The following NALCN variants were observed in gnomAD, a reference collection of about 807,000 sequenced individuals.
NALCN encodes sodium leak channel, non-selective.
A neutral mutation model predicts 225.3 loss-of-function variants in NALCN; 111 were observed. The observed-to-expected ratio is 0.49, with a 90% CI of 0.42 to 0.58. The LOEUF is 0.58. NALCN is among the 20% of genes least tolerant of loss of function. The pLI is 0.00. For missense variants in NALCN, 1,378 were observed against 2,202.4 expected (o/e 0.63, Z 7.49); for synonymous variants, 764 against 769.0 (o/e 0.99, Z 0.11).
chr13:101,191,493 T>A (rs1024526521), intron 14 of NALCN, among the ~76,000 whole-genome samples: 3 of 152,200 alleles, frequency 2.0e-5, no homozygotes, highest in African/African-American at 7.2e-5. Flanking sequence ...GACTGCACCC[T>A]GAGGTCTATA....
At chr13:101,079,870 C>T (rs779415639) in intron 34 of NALCN, among the ~76,000 whole-genome samples, 5 of 152,088 alleles carry the variant, frequency 3.3e-5, no homozygotes, top group Admixed American at 6.5e-5. Context: ...ATGAGCACAG[C>T]GTCTCGTATT....
chr13:101,415,295 T>C (rs1438755328), intron 1 of NALCN, among the ~76,000 whole-genome samples: 2 of 150,882 alleles, frequency 1.3e-5, no homozygotes, highest in Non-Finnish European at 3.0e-5. Context: ...ATCCACCAAC[T>C]ACTAACACGA....
At chr13:101,067,333 A>G (rs1375115930) in intron 39 of NALCN, among the ~76,000 whole-genome samples, 3 of 44,800 alleles carry the variant, frequency 6.7e-5, no homozygotes, top group Admixed American at 3.1e-4. Context: ...GAGGAGGGGG[A>G]AGAAGAGGGG....
intron 11 of NALCN, among the ~76,000 whole-genome samples, chr13:101,250,140 T>C (rs927307561): frequency 2.0e-5 from 3 of 152,020 alleles, no homozygotes; most frequent in Non-Finnish European, 4.4e-5. Context: ...TATGTAGGCA[T>C]GAATGTAACA....
At chr13:101,221,784 C>T (rs116844537) in intron 13 of NALCN, among the ~76,000 whole-genome samples, 241 of 152,260 alleles carry the variant, frequency 1.6e-3, no homozygotes, top group Non-Finnish European at 2.9e-3. Flanking sequence ...TCCAAATACC[C>T]GAGAAATGCT....
intron 6 of NALCN, among the ~76,000 whole-genome samples, chr13:101,346,087 C>CTCTCTCTCTCTCTCTCTCTA: frequency 9.7e-4 from 69 of 70,948 alleles, no homozygotes; most frequent in South Asian, 4.4e-3. Context: ...CTCTCTCTCT[C>CTCTCTCTCTCTCTCTCTCTA]TATATATATA....
intron 15 of NALCN, among the ~76,000 whole-genome samples, chr13:101,145,661 T>C (rs1375194720): frequency 6.6e-6 from 1 of 152,204 alleles, no homozygotes; most frequent in African/African-American, 2.4e-5. Context: ...TACTTTCCTA[T>C]GCTCTCTTTT....
At chr13:101,256,885 T>A (rs1435190888) in intron 11 of NALCN, among the ~76,000 whole-genome samples, 2 of 151,018 alleles carry the variant, frequency 1.3e-5, no homozygotes, top group Admixed American at 1.3e-4. Flanking sequence ...TGCCTCAGCC[T>A]CCAGAGTAGC....
At chr13:101,355,384 T>G (rs115426811) in intron 6 of NALCN, among the ~76,000 whole-genome samples, 4,880 of 135,866 alleles carry the variant, frequency 0.036, 272 homozygotes, top group African/African-American at 0.13. Context: ...AAAAAAAAAA[T>G]CAGGGGTTGC....
intron 1 of NALCN, among the ~76,000 whole-genome samples, chr13:101,399,532 A>C (rs2047407028): frequency 6.6e-6 from 1 of 152,182 alleles, no homozygotes. Context: ...GTGCTAGAAC[A>C]CTGCTGAGTA....
intron 17 of NALCN, among the ~76,000 whole-genome samples, chr13:101,138,541 G>A (rs1337759069): frequency 6.6e-6 from 1 of 152,208 alleles, no homozygotes; most frequent in African/African-American, 2.4e-5. Context: ...TGGAGGTGCT[G>A]GGACAGCCCT....
chr13:101,078,975 G>T (rs995137176), intron 34 of NALCN, among the ~76,000 whole-genome samples: 3 of 152,182 alleles, frequency 2.0e-5, no homozygotes, highest in Admixed American at 2.0e-4. Context: ...CACAAGATCT[G>T]ATGGTTTTAT....
Position 101,377,448 on chromosome 13 carries a change from A to G in NALCN, c.376-392T>C, listed in dbSNP as rs548486697. On this transcript the variant is annotated intron_variant, in intron 4 of 43. Coordinates refer to ENST00000251127, the MANE Select transcript of NALCN (RefSeq NM_052867.4). ...GGTTAAAATATTAAAAAAGAATTGC[A>G]CTATTTACTAACAGGCAAAATAATA... Among the ~76,000 whole-genome samples, 30 of 152,288 alleles carry G rather than the reference A, an allele frequency of 2.0e-4. No homozygotes were observed. In the South Asian group the frequency reaches 3.5e-3, roughly 18 times the overall value.
chr13:101,373,404 G>A (rs2046597083), intron 6 of NALCN, among the ~76,000 whole-genome samples: 1 of 152,130 alleles, frequency 6.6e-6, no homozygotes, highest in Admixed American at 6.6e-5. Flanking sequence ...GCAATAATTT[G>A]TAACAAAAAC....
rs777604604 is a variant in NALCN, at chr13:101,266,785, TA to T, written c.1135-8212del. ...TGTAAAAGACCAAATGCATAAAACC[TA>T]AAATAAATCTCCCATTTGCAAGTGG... On this transcript the variant is annotated intron_variant, in intron 10 of 43. Coordinates refer to ENST00000251127, the MANE Select transcript of NALCN (RefSeq NM_052867.4). 4.3e-4 allele frequency among the ~76,000 whole-genome samples: 65 copies of T among 152,324 alleles called. No homozygotes were observed. In the Middle Eastern group the frequency reaches 0.031, roughly 72 times the overall value.
At chr13:101,080,654 T>C (rs1470782576) in intron 34 of NALCN, among the ~76,000 whole-genome samples, 1 of 146,462 alleles carries the variant, frequency 6.8e-6, no homozygotes, top group Non-Finnish European at 1.5e-5. Context: ...TAATATATAA[T>C]ATATAACTAT....
intron 9 of NALCN, among the ~76,000 whole-genome samples, chr13:101,289,525 C>CAT (rs10549837): frequency 0.025 from 3,545 of 140,808 alleles, 60 homozygotes; most frequent in South Asian, 0.041. Context: ...TGAAAATGTG[C>CAT]ATATATATAT....
At chr13:101,318,952 G>T (rs1469100294) in intron 7 of NALCN, among the ~76,000 whole-genome samples, 1 of 152,018 alleles carries the variant, frequency 6.6e-6, no homozygotes, top group Non-Finnish European at 1.5e-5. Context: ...CTGGACAAAA[G>T]AAATAAAAAC....
intron 27 of NALCN, among the ~76,000 whole-genome samples, chr13:101,098,885 C>G (rs1177276437): frequency 6.6e-6 from 1 of 151,910 alleles, no homozygotes; most frequent in Non-Finnish European, 1.5e-5. Flanking sequence ...CTGGTGCTCT[C>G]TATGATGGCT....
Sources: allele counts gnomAD v4.1 joint callset (sites outside exome capture counted in the v4.1 genomes callset), GRCh38; gene constraint gnomAD v4.1.1; transcripts MANE v1.5; gene names NCBI Gene and HGNC (gene_info 2026-07-23, HGNC 2026-07-21).